The following MST1R variants were observed in gnomAD, a reference collection of about 807,000 sequenced individuals.
MST1R encodes the protein macrophage stimulating 1 receptor, also known as macrophage-stimulating protein receptor.
In MST1R, 99 loss-of-function variants were observed where a neutral mutation model predicts 117.8. The ratio of observed to expected loss-of-function variants is 0.84; its 90% CI spans 0.71 to 0.99. The LOEUF (loss-of-function observed/expected upper bound fraction) is 0.99, where lower values mean the gene tolerates loss of function less well. Among genes scored for constraint, MST1R ranks in the 50% least tolerant of loss-of-function variants. MST1R has a pLI of 0.00. For missense variants in MST1R, 1,683 were observed against 1,840.2 expected (o/e 0.91, Z 1.56); for synonymous variants, 734 against 765.3 (o/e 0.96, Z 0.68).
chr3:49,896,165 A>G (rs2082464932), intron 10 of MST1R, 30 bp downstream of exon 10: 1 of 1,614,120 alleles, frequency 6.2e-7, no homozygotes, highest in Non-Finnish European at 8.5e-7. Context: ...CAGATCCCCA[A>G]CTGTCCCTGC....
chr3:49,900,156 T>G (rs539742638), intron 1 of MST1R, among the ~76,000 whole-genome samples: 3 of 152,210 alleles, frequency 2.0e-5, no homozygotes, highest in Non-Finnish European at 4.4e-5. Flanking sequence ...AAGGTCTGCC[T>G]GTACTCCTGG....
Position 49,903,360 on chromosome 3 carries a change from C to G in MST1R, c.250G>C (p.Asp84His). Residue 84 changes from aspartate (D) to histidine (H), a missense_variant, in exon 1 of 20, where the codon GAC (aspartate) becomes CAC (histidine). By Grantham distance (81) the Asp-to-His change is moderately conservative. Coordinates refer to ENST00000296474, the MANE Select transcript of MST1R (RefSeq NM_002447.4). The stretch of plus-strand genomic sequence containing the variant: ...GCCAGGCTCTGGACAGACTTCAGGT[C>G]AGGCCCAAGCACATGCAGGCGATTG... Reference protein sequence around the residue: ...IRNRLHVLGPDLKSVQSLATG... With the variant: ...IRNRLHVLGPHLKSVQSLATG... The G allele has an allele frequency of 1.2e-6, 2 of 1,613,926 alleles. No individual in the cohort carries two copies. Among genetic ancestry groups the G allele is most frequent in the African/African-American group, 2.7e-5 (2 of 75,082 alleles).
Position 49,896,809 on chromosome 3 carries a change from AC to A in MST1R, c.2264del (p.Gly755ValfsTer19), listed in dbSNP as rs1407832113. 4 of 1,559,578 alleles carry A rather than the reference AC, an allele frequency of 2.6e-6. No individual in the cohort carries two copies. The highest frequency in any genetic ancestry group is 2.6e-6 in the Non-Finnish European group (3 of 1,151,034). On this transcript the variant is annotated frameshift_variant, in exon 8 of 20. Coordinates refer to ENST00000296474, the MANE Select transcript of MST1R (RefSeq NM_002447.4). LOFTEE classifies it high-confidence loss of function. ...ASVPLSLQVG[G>X]AQVPGSWTFQ... ...AGGTCCAGGAACCAGGTACCTGGGC[AC>A]CCCCCACCTGCAGGCTAAGGGGGAC...
At position 49,890,484 on chromosome 3, in the gene MST1R, C is replaced by T. The variant is rs1481241832; in HGVS notation, c.3810+1G>A. On this transcript the variant is annotated splice_donor_variant, in intron 18 of 19. Coordinates refer to ENST00000296474, the MANE Select transcript of MST1R (RefSeq NM_002447.4). LOFTEE classifies it high-confidence loss of function. The stretch of plus-strand genomic sequence containing the variant: ...GGACTGTAGGGCAGGTGGGGCCTCA[C>T]CACATCAGACTTGGTGGTAAATCTA... 3 of 1,611,630 alleles carry T rather than the reference C, an allele frequency of 1.9e-6. No homozygotes were observed. In the Admixed American group the frequency reaches 5.0e-5, roughly 27 times the overall value.
intron 19 of MST1R, 81 bp downstream of exon 19, chr3:49,889,843 G>A: frequency 6.5e-7 from 1 of 1,545,314 alleles, no homozygotes; most frequent in Non-Finnish European, 8.8e-7. Context: ...CAGTCAGGAA[G>A]CCAGGCAGGA....
chr3:49,890,749 G>A (rs1023701620), intron 17 of MST1R, 99 bp from the exon 18 acceptor site: 141 of 1,148,024 alleles, frequency 1.2e-4, no homozygotes, highest in East Asian at 1.3e-4. Flanking sequence ...TTTTTGAGAC[G>A]GAGTCTCGCT....
chr3:49,897,480 T>A, intron 6 of MST1R, 40 bp downstream of exon 6: 1 of 1,610,598 alleles, frequency 6.2e-7, no homozygotes, highest in South Asian at 1.1e-5. Context: ...TCCCGTACCA[T>A]GCACTGGCCA....
At chr3:49,894,833 G>A (rs1159955773) in intron 14 of MST1R, among the ~76,000 whole-genome samples, 7 of 151,312 alleles carry the variant, frequency 4.6e-5, no homozygotes, top group African/African-American at 7.3e-5. Context: ...TTTTGAGAAG[G>A]AGTCTCGCTC....
intron 14 of MST1R, 42 bp from the exon 15 acceptor site, chr3:49,891,880 G>A (rs1458074079): frequency 7.7e-6 from 12 of 1,568,534 alleles, no homozygotes; most frequent in Non-Finnish European, 9.7e-6. Context: ...GGGGATCCAG[G>A]GCCCAAGGCT....
chr3:49,899,632 A>G, intron 1 of MST1R: 1 of 208,510 alleles, frequency 4.8e-6, no homozygotes, highest in Non-Finnish European at 8.6e-6. Context: ...CTGGAGGGCA[A>G]TGGTGTGATC....
Position 49,895,350 on chromosome 3 carries a change from C to T in MST1R, c.3088G>A (p.Asp1030Asn). 1 of 1,614,204 alleles carries T rather than the reference C, an allele frequency of 6.2e-7. No homozygotes were observed. The highest frequency in any genetic ancestry group is 1.1e-5 in the South Asian group (1 of 91,082). Reference sequence around the variant, plus strand: ...GCTCCATGGACACAAGTGGTGGAATCCAGACCATCAATGGCAGGGAGTGCT... The same window carrying T: ...GCTCCATGGACACAAGTGGTGGAATTCAGACCATCAATGGCAGGGAGTGCT... Reference protein sequence around the residue: ...GLALPAIDGLDSTTCVHGASF... With the variant: ...GLALPAIDGLNSTTCVHGASF... The change falls in exon 14 of 20, where the codon GAT becomes AAT. Residue 1030 changes from aspartate (D) to asparagine (N), a missense_variant. Asp to Asn is a conservative substitution (Grantham distance 23, BLOSUM62 1). Coordinates refer to ENST00000296474, the MANE Select transcript of MST1R (RefSeq NM_002447.4).
rs139899091 is a variant in MST1R at position 49,903,506 on chromosome 3, G to T, written c.104C>A (p.Ala35Glu). 6.2e-7 allele frequency: 1 copy of T among 1,610,052 alleles called. No individual in the cohort carries two copies. Among genetic ancestry groups the T allele is most frequent in the Non-Finnish European group, 8.5e-7 (1 of 1,179,920 alleles). The change falls in exon 1 of 20, where the codon GCG becomes GAG. Residue 35 changes from alanine (A) to glutamate (E), a missense_variant. Transcript: ENST00000296474. The part of the protein sequence containing the change: ...EDWQCPRTPY[A>E]ASRDFDVKYV... ...CTTCACGTCAAAGTCGCGAGAGGCCGCGTAGGGGGTGCGCGGGCACTGCCA... is the reference window on the plus strand; with the variant it reads ...CTTCACGTCAAAGTCGCGAGAGGCCTCGTAGGGGGTGCGCGGGCACTGCCA...
In MST1R at chr3:49,903,023, T is replaced by C. The variant is rs778170442; in HGVS notation, c.587A>G (p.Tyr196Cys). 1.1e-5 allele frequency: 18 copies of C among 1,612,550 alleles called. No individual in the cohort carries two copies. The highest frequency in any genetic ancestry group is 1.3e-5 in the African/African-American group (1 of 74,902). ...GTCCAGTGAGGATGCCACGTAGAAA[T>C]AGGAGGCCTGGCCTTGCTCAACCAC... Reference protein sequence around the residue: ...VTVVEQGQASYFYVASSLDAA... With the variant: ...VTVVEQGQASCFYVASSLDAA... Residue 196 changes from tyrosine to cysteine, a missense_variant, in exon 1 of 20, where the codon TAT becomes TGT. Tyr to Cys is a radical substitution (Grantham distance 194). Coordinates refer to ENST00000296474, the MANE Select transcript of MST1R (RefSeq NM_002447.4).
rs2082776388 is a variant in MST1R at position 49,903,863 on chromosome 3, C to A, written c.-254G>T. On this transcript the variant is annotated 5_prime_UTR_variant, in exon 1 of 20. Transcript: ENST00000296474. Reference sequence around the variant, plus strand: ...CCGCCTCACCTGCCGCCCCAGCCGCCGCTGTACACTGGCGCTTAGCGCTCA... The same window carrying A: ...CCGCCTCACCTGCCGCCCCAGCCGCAGCTGTACACTGGCGCTTAGCGCTCA... 5.9e-6 allele frequency: 3 copies of A among 507,964 alleles called. No individual in the cohort carries two copies. The East Asian group carries it at 1.0e-4, about 17-fold the overall frequency. 31.5% of individuals were successfully genotyped at this position (507,964 alleles called of 1,614,324 possible). A position where few individuals can be genotyped will look rare whatever the true frequency, so the allele number is the denominator to read the frequency against.
chr3:49,903,832 C>A lies in MST1R; in HGVS notation c.-223G>T, dbSNP rs1416450015. 6 of 578,230 alleles carry A rather than the reference C, an allele frequency of 1.0e-5. No homozygotes were observed. The highest frequency in any genetic ancestry group is 7.6e-5 in the African/African-American group (4 of 52,418). 35.8% of individuals were successfully genotyped at this position (578,230 alleles called of 1,614,324 possible). ...CGCCTGCGGACGCACGACAGCAACG[C>A]CCCAGCCGCCTCACCTGCCGCCCCA... On this transcript the variant is annotated 5_prime_UTR_variant, in exon 1 of 20. Transcript: ENST00000296474.
intron 1 of MST1R, among the ~76,000 whole-genome samples, chr3:49,900,516 G>C (rs1472535974): frequency 6.6e-6 from 1 of 152,184 alleles, no homozygotes; most frequent in African/African-American, 2.4e-5. Context: ...CCAGTCCTGA[G>C]ACCTCAGCAC....
rs760537470 is a variant in MST1R at position 49,896,534 on chromosome 3, A to T, written c.2439+6T>A. ...CCTTCCTCCCTCCTGGCCAGCACTC[A>T]CTCACCCTGCTTTCCACTGCCCTAA... On this transcript the variant is annotated splice_donor_region_variant and intron_variant, in intron 9 of 19. Coordinates refer to ENST00000296474, the MANE Select transcript of MST1R (RefSeq NM_002447.4). The T allele has an allele frequency of 4.3e-6, 7 of 1,613,858 alleles. No individual in the cohort carries two copies. The highest frequency in any genetic ancestry group is 1.7e-5 in the Admixed American group (1 of 59,984).
intron 19 of MST1R, 114 bp downstream of exon 19, chr3:49,889,810 C>T: frequency 4.6e-6 from 6 of 1,313,560 alleles, no homozygotes; most frequent in Non-Finnish European, 6.4e-6. Context: ...AGCGAGAGTC[C>T]CTTTCCTAGT....
chr3:49,893,331 C>T (rs2082367822), intron 14 of MST1R, among the ~76,000 whole-genome samples: 1 of 151,316 alleles, frequency 6.6e-6, no homozygotes, highest in South Asian at 2.1e-4. Context: ...AGGCTGGATA[C>T]AGTGGCTCAC....
Sources: gnomAD v4.1 joint callset for allele counts (sites outside exome capture counted in the v4.1 genomes callset) on GRCh38, gnomAD v4.1.1 for gene constraint, MANE v1.5 for transcripts, NCBI Gene and HGNC (gene_info 2026-07-23, HGNC 2026-07-21) for gene names.